TMEM181: variants seen among roughly 807,000 people sequenced by gnomAD.
TMEM181 encodes the protein G protein-coupled receptor 178.
Under a neutral mutation model 71.9 loss-of-function variants are expected in TMEM181, and 39 were observed. That is an observed-to-expected ratio of 0.54 (90% CI 0.42 to 0.71). The LOEUF (loss-of-function observed/expected upper bound fraction) is 0.71, where lower values mean the gene tolerates loss of function less well. Among genes scored for constraint, TMEM181 ranks in the 30% least tolerant of loss-of-function variants. The pLI is 0.00. For missense variants in TMEM181, 595 were observed against 583.0 expected (o/e 1.02, Z -0.21); for synonymous variants, 245 against 228.8 (o/e 1.07, Z -0.64).
intron 3 of TMEM181, 138 bp from the exon 4 acceptor site, chr6:158,583,815 GA>G (rs1783609360): frequency 3.4e-6 from 2 of 587,098 alleles, no homozygotes; most frequent in Admixed American, 3.5e-5. Flanking sequence ...AAAAAAGAAG[GA>G]AAACCTCACA....
At chr6:158,618,881 C>T (rs1785783340) in intron 10 of TMEM181, among the ~76,000 whole-genome samples, 1 of 152,228 alleles carries the variant, frequency 6.6e-6, no homozygotes, top group Non-Finnish European at 1.5e-5. Context: ...ATGGGCTTCC[C>T]TTTGTGAGTA....
At chr6:158,555,519 AATAGAG>A (rs561404951), upstream of TMEM181, among the ~76,000 whole-genome samples, 759 of 152,382 alleles carry the variant, frequency 5.0e-3, 3 homozygotes, top group Non-Finnish European at 8.5e-3. Context: ...AGCAGAAAAA[AATAGAG>A]ATAGAGAATT....
chr6:158,595,997 C>G (rs1784369814), intron 6 of TMEM181, among the ~76,000 whole-genome samples: 8 of 152,304 alleles, frequency 5.3e-5, no homozygotes, highest in Admixed American at 4.6e-4. Context: ...TCTCGGCTCA[C>G]TGCAAGCTCC....
At position 158,604,374 on chromosome 6, in the gene TMEM181, G is replaced by GT. The variant is rs141195920; in HGVS notation, c.493-892dup. 7.1e-3 allele frequency among the ~76,000 whole-genome samples: 1,084 copies of GT among 152,244 alleles called. 16 individuals carry two copies. The highest frequency in any genetic ancestry group is 0.024 in the African/African-American group (1,017 of 41,526). ...TGTGCGTGATGTTTTAGGTAAATCT[G>GT]TAACTCTATTTGTACTGAAGTGGAT... On this transcript the variant is annotated intron_variant, in intron 6 of 16. Coordinates refer to ENST00000684151, the MANE Select transcript of TMEM181 (RefSeq NM_001376852.1).
At chr6:158,559,986 G>A (rs913964800), upstream of TMEM181, 32 of 936,456 alleles carry the variant, frequency 3.4e-5, no homozygotes, top group South Asian at 4.9e-5. Context: ...ACGAAGGAGG[G>A]CCACCCCCCT....
intron 16 of TMEM181, among the ~76,000 whole-genome samples, 185 bp downstream of exon 16, chr6:158,631,574 C>T (rs1786667035): frequency 6.6e-6 from 1 of 152,196 alleles, no homozygotes; most frequent in African/African-American, 2.4e-5. Context: ...GTAGTCCTTT[C>T]TGCTGGCTAC....
At chr6:158,568,264 A>C (rs1782622036) in intron 1 of TMEM181, among the ~76,000 whole-genome samples, 1 of 150,776 alleles carries the variant, frequency 6.6e-6, no homozygotes, top group South Asian at 2.1e-4. Flanking sequence ...TTTTTAGCTC[A>C]GTTTGAAACC....
At position 158,552,775 on chromosome 6, in the gene TMEM181, C is replaced by G. The variant is rs189615521; in HGVS notation, c.131+15910C>G. Among the ~76,000 whole-genome samples the G allele has an allele frequency of 1.3e-4, 20 of 152,226 alleles. No individual in the cohort carries two copies. The East Asian group carries it at 3.9e-3, about 29-fold the overall frequency. On this transcript the variant is annotated intron_variant, in intron 1 of 16. Coordinates refer to the TMEM181 transcript ENST00000367090. ...CAAAGTTGAGCTTCTGAGAGATGAA[C>G]CTGAGAAGCTTTAAAATGAAAACTC...
rs1348901675 is a variant in TMEM181, at chr6:158,635,021, T to C, written c.*3133T>C. On this transcript the variant is annotated 3_prime_UTR_variant, in exon 17 of 17. Coordinates refer to ENST00000684151, the MANE Select transcript of TMEM181 (RefSeq NM_001376852.1). ...AAACCGGTTGCCTTAGAGGTTAGAC[T>C]TTTGAAGAAAAAAAAAAAAAGATAC... is the stretch of plus-strand genomic sequence containing the variant. The C allele has an allele frequency of 6.6e-6, 1 of 151,812 alleles. No homozygotes were observed. Among genetic ancestry groups the C allele is most frequent in the East Asian group, 1.9e-4 (1 of 5,182 alleles). 9.4% of individuals were successfully genotyped at this position (151,812 alleles called of 1,614,324 possible).
chr6:158,579,851 A>G (rs1397596883), intron 2 of TMEM181, among the ~76,000 whole-genome samples: 1 of 152,244 alleles, frequency 6.6e-6, no homozygotes, highest in African/African-American at 2.4e-5. Flanking sequence ...ATTCACTTAT[A>G]TGGGGTACTT....
chr6:158,598,823 G>A (rs1784520288), intron 6 of TMEM181, among the ~76,000 whole-genome samples: 2 of 151,946 alleles, frequency 1.3e-5, no homozygotes, highest in Admixed American at 6.6e-5. Context: ...ACAGGCGCCC[G>A]CCATCACGCC....
At chr6:158,617,938 G>A (rs1321411047) in intron 10 of TMEM181, among the ~76,000 whole-genome samples, 1 of 152,232 alleles carries the variant, frequency 6.6e-6, no homozygotes, top group Non-Finnish European at 1.5e-5. Flanking sequence ...GTGGTGCTGA[G>A]AAGAATGTAT....
chr6:158,592,568 G>A (rs966760624), intron 6 of TMEM181, among the ~76,000 whole-genome samples: 7 of 151,960 alleles, frequency 4.6e-5, no homozygotes, highest in African/African-American at 1.7e-4. Context: ...TGCCTCCCGG[G>A]TTCAGGCAAT....
intron 1 of TMEM181, among the ~76,000 whole-genome samples, chr6:158,569,116 C>T (rs1782667191): frequency 6.6e-6 from 1 of 152,228 alleles, no homozygotes; most frequent in African/African-American, 2.4e-5. Context: ...GCTGGGACTA[C>T]AGGCATGAGC....
chr6:158,592,988 G>A (rs139869993), intron 6 of TMEM181, among the ~76,000 whole-genome samples: 1 of 152,148 alleles, frequency 6.6e-6, no homozygotes. Flanking sequence ...AAGGACACAA[G>A]TTTTCTCATA....
At chr6:158,576,652 G>A (rs764869860) in intron 2 of TMEM181, among the ~76,000 whole-genome samples, 28 of 152,066 alleles carry the variant, frequency 1.8e-4, no homozygotes, top group Non-Finnish European at 3.4e-4. Context: ...CACAGAGACA[G>A]TCTATAACAA....
rs1785905317 is a variant in TMEM181 at position 158,620,705 on chromosome 6, G to T, written c.897-2845G>T. Among the ~76,000 whole-genome samples, 1 of 151,850 alleles carries T rather than the reference G, an allele frequency of 6.6e-6. No homozygotes were observed. The highest frequency in any genetic ancestry group is 6.6e-5 in the Admixed American group (1 of 15,240). ...GGAAGAGTGAAGTGAGAGAAAAGAT[G>T]GGGTGCATGGCCAGAGACTCTCAGG... On this transcript the variant is annotated intron_variant, in intron 10 of 16. Transcript: ENST00000684151. The surrounding 1 kb of genome is among the most constrained non-coding windows in gnomAD (Gnocchi z 4.5).
intron 1 of TMEM181, among the ~76,000 whole-genome samples, chr6:158,571,975 CTT>C (rs748660681): frequency 6.6e-6 from 1 of 152,220 alleles, no homozygotes; most frequent in Non-Finnish European, 1.5e-5. Flanking sequence ...CCCCAGCTCT[CTT>C]GTCTCATGTT....
chr6:158,625,100 C>T lies in TMEM181; in HGVS notation c.955-4C>T, dbSNP rs772873330. ...GACTCAAGTGCTGCCTTGTGTCCTC[C>T]TAGGGAATGAAGGTCTTCTTCATGG... On this transcript the variant is annotated splice_region_variant and splice_polypyrimidine_tract_variant and intron_variant, in intron 11 of 16. Coordinates refer to ENST00000684151, the MANE Select transcript of TMEM181 (RefSeq NM_001376852.1). The T allele has an allele frequency of 1.6e-5, 25 of 1,612,646 alleles. No homozygotes were observed. The highest frequency in any genetic ancestry group is 2.0e-5 in the Non-Finnish European group (24 of 1,178,610).
Sources: gnomAD v4.1 joint callset for allele counts (sites outside exome capture counted in the v4.1 genomes callset) on GRCh38, gnomAD v4.1.1 for gene constraint, Gnocchi (gnomAD v3.1) non-coding constraint, MANE v1.5 for transcripts, NCBI Gene and HGNC (gene_info 2026-07-23, HGNC 2026-07-21) for gene names.